Variants in SLC38A7 observed in about 807,000 individuals in gnomAD.
The protein encoded by SLC38A7 is solute carrier family 38 member 7, also known as sodium-coupled neutral amino acid transporter 7.
In SLC38A7, 29 loss-of-function variants were observed where a neutral mutation model predicts 50.1. The observed-to-expected ratio is 0.58, with a 90% CI of 0.43 to 0.79. The LOEUF (loss-of-function observed/expected upper bound fraction) is 0.79. Ranked by LOEUF, SLC38A7 falls within the 30% of genes least tolerant of loss-of-function variation. SLC38A7 has a pLI of 0.00. For synonymous variants in SLC38A7, 244 were observed against 245.9 expected (o/e 0.99, Z 0.07); for missense variants, 483 against 610.6 (o/e 0.79, Z 2.20).
chr16:58,671,782 T>TTATTAAAAA, intron 9 of SLC38A7: 1 of 233,952 alleles, frequency 4.3e-6, no homozygotes, highest in Non-Finnish European at 8.3e-6. Flanking sequence ...GTTGCCCAGG[T>TTATTAAAAA]GGTCTTGAAC....
intron 2 of SLC38A7, chr16:58,683,722 G>A (rs1187435260): frequency 6.6e-6 from 1 of 152,354 alleles, no homozygotes; most frequent in Non-Finnish European, 1.5e-5. Context: ...AAGGTCACAA[G>A]GCTTGGTGCG....
In SLC38A7 at chr16:58,671,204, G is replaced by A; in HGVS notation, c.1072C>T (p.Pro358Ser). 1 of 1,613,868 alleles carries A rather than the reference G, an allele frequency of 6.2e-7. No individual in the cohort carries two copies. Among genetic ancestry groups the A allele is most frequent in the Admixed American group, 1.7e-5 (1 of 60,002 alleles). Residue 358 changes from proline (P) to serine (S), a missense_variant, in exon 10 of 12, where the codon CCA becomes TCA. Pro to Ser is a moderately conservative substitution (Grantham distance 74). Transcript: ENST00000219320. ...TCCCGCCCCACGTCCTCCTCCACTG[G>A]CACCCCCTGGTAGCGCAGCCACAGG... ...EGLWLRYQGV[P>S]VEEDVGRERR...
chr16:58,678,772 A>T lies in SLC38A7; in HGVS notation c.393T>A (p.Cys131Ter). 1 of 1,614,206 alleles carries T rather than the reference A, an allele frequency of 6.2e-7. No homozygotes were observed. Among genetic ancestry groups the T allele is most frequent in the Non-Finnish European group, 8.5e-7 (1 of 1,180,032 alleles). ...AVCGKLTGVL[C>*]EVAIAVYTFG... ...AGGTGTAGACAGCGATGGCCACCTC[A>T]CATAGCACACCTGTCAGCTTGCCAC... The change falls in exon 4 of 12, where the codon TGT (cysteine) becomes TGA (stop). Residue 131 changes from cysteine (C) to a stop codon, truncating the protein, a stop_gained. Coordinates refer to ENST00000219320, the MANE Select transcript of SLC38A7 (RefSeq NM_018231.3). LOFTEE classifies it high-confidence loss of function. This position sits in a 1 kb window ranked among gnomAD's most constrained non-coding sequence, Gnocchi z 4.0.
At chr16:58,674,026 T>C (rs2044213753) in intron 8 of SLC38A7, among the ~76,000 whole-genome samples, 1 of 152,058 alleles carries the variant, frequency 6.6e-6, no homozygotes, top group South Asian at 2.1e-4. Context: ...GGTTTTGCCA[T>C]GTTGGCCAGG....
intron 9 of SLC38A7, 190 bp downstream of exon 9, chr16:58,671,906 G>A (rs1049207541): frequency 1.8e-6 from 1 of 549,470 alleles, no homozygotes; most frequent in Non-Finnish European, 3.0e-6. Flanking sequence ...GGAATGTTCT[G>A]GTGACCCCAG....
In SLC38A7 at chr16:58,665,801, T is replaced by A. The variant is rs1019933674; in HGVS notation, c.*1584A>T. On this transcript the variant is annotated 3_prime_UTR_variant, in exon 12 of 12. Transcript: ENST00000219320. ...TCTTCGCCCTCTCTGGGGTAACAAT[T>A]CCAGTGTGACATCAATGTGGCTGGC... 1 of 152,220 alleles carries A rather than the reference T, an allele frequency of 6.6e-6. No individual in the cohort carries two copies. Among genetic ancestry groups the A allele is most frequent in the African/African-American group, 2.4e-5 (1 of 41,408 alleles). The allele number at this position is 152,220 out of a possible 1,614,324, so 9.4% of individuals were successfully genotyped here.
intron 3 of SLC38A7, among the ~76,000 whole-genome samples, 197 bp from the exon 4 acceptor site, chr16:58,679,091 T>C (rs1407391543): frequency 6.6e-6 from 1 of 152,226 alleles, no homozygotes; most frequent in Non-Finnish European, 1.5e-5. Flanking sequence ...ATTGCCAACA[T>C]ACAAAAGTAA....
At position 58,678,501 on chromosome 16, in the gene SLC38A7, C is replaced by T. The variant is rs760606593; in HGVS notation, c.470-27G>A. On this transcript the variant is annotated intron_variant, in intron 4 of 11. Coordinates refer to ENST00000219320, the MANE Select transcript of SLC38A7 (RefSeq NM_018231.3). The surrounding 1 kb of genome is among the most constrained non-coding windows in gnomAD (Gnocchi z 4.0). The stretch of plus-strand genomic sequence containing the variant: ...TGCACAGGGAGGAAGGAGGGAATGT[C>T]AAGCCAGGCCACCATGGGGTGTGGC... The T allele has an allele frequency of 6.5e-7, 1 of 1,543,250 alleles. No individual in the cohort carries two copies. Among genetic ancestry groups the T allele is most frequent in the South Asian group, 1.3e-5 (1 of 79,522 alleles).
At position 58,680,206 on chromosome 16, in the gene SLC38A7, C is replaced by A; in HGVS notation, c.-80G>T. ...GCCTCAGGGAGCTGAGCAACACCCA[C>A]CTGTTTGGGGCTGTTAGCTTAGGAC... On this transcript the variant is annotated 5_prime_UTR_variant, in exon 3 of 12. Transcript: ENST00000219320. The A allele has an allele frequency of 6.9e-7, 1 of 1,448,518 alleles. No individual in the cohort carries two copies. Among genetic ancestry groups the A allele is most frequent in the Non-Finnish European group, 9.1e-7 (1 of 1,098,076 alleles). The allele number at this position is 1,448,518 out of a possible 1,614,324, so 89.7% of individuals were successfully genotyped here. A position where few individuals can be genotyped will look rare whatever the true frequency, so the allele number is the denominator to read the frequency against.
chr16:58,669,073 T>G (rs1463056766), intron 11 of SLC38A7, among the ~76,000 whole-genome samples: 2 of 140,368 alleles, frequency 1.4e-5, no homozygotes, highest in Non-Finnish European at 3.0e-5. Flanking sequence ...CCTGGCCAAT[T>G]TTTTTTCTTT....
In SLC38A7 at chr16:58,665,192, A is replaced by T. The variant is rs2044013080; in HGVS notation, c.*2193T>A. 6.6e-6 allele frequency: 1 copy of T among 152,336 alleles called. No homozygotes were observed. The highest frequency in any genetic ancestry group is 6.5e-5 in the Admixed American group (1 of 15,268). 9.4% of individuals were successfully genotyped at this position (152,336 alleles called of 1,614,324 possible). A position where few individuals can be genotyped will look rare whatever the true frequency, so the allele number is the denominator to read the frequency against. The stretch of plus-strand genomic sequence containing the variant: ...AAAAGAAACAGTGAAGTACCCCGAT[A>T]GGGAGGGTGGGGAGAGGATGGGAGG... On this transcript the variant is annotated 3_prime_UTR_variant, in exon 12 of 12. Transcript: ENST00000219320.
In SLC38A7 at chr16:58,671,211, C is replaced by G. The variant is rs1414170691; in HGVS notation, c.1065G>C (p.Gln355His). 3 of 1,613,946 alleles carry G rather than the reference C, an allele frequency of 1.9e-6. No individual in the cohort carries two copies. The highest frequency in any genetic ancestry group is 1.7e-6 in the Non-Finnish European group (2 of 1,179,904). The change falls in exon 10 of 12, where the codon CAG becomes CAC. Residue 355 changes from glutamine to histidine, a missense_variant. Coordinates refer to ENST00000219320, the MANE Select transcript of SLC38A7 (RefSeq NM_018231.3). ...AVVEGLWLRY[Q>H]GVPVEEDVGR... ...CCACGTCCTCCTCCACTGGCACCCC[C>G]TGGTAGCGCAGCCACAGGCCTTCCA...
At chr16:58,683,599 G>C (rs550518938) in intron 2 of SLC38A7, 2 of 152,404 alleles carry the variant, frequency 1.3e-5, no homozygotes, top group South Asian at 2.1e-4. Flanking sequence ...GGACTCCCAG[G>C]CTTCCAGTGT....
At chr16:58,677,231 A>G (rs2044286970) in intron 6 of SLC38A7, 95 bp downstream of exon 6, 2 of 1,006,188 alleles carry the variant, frequency 2.0e-6, no homozygotes, top group South Asian at 1.3e-5. Context: ...AGCCTTGAGA[A>G]GAGCACCTGT....
intron 2 of SLC38A7, among the ~76,000 whole-genome samples, chr16:58,683,010 T>C (rs1042305771): frequency 2.0e-5 from 3 of 150,034 alleles, no homozygotes; most frequent in African/African-American, 4.9e-5. Context: ...CCCATGTGAC[T>C]TCTCCCACGT....
rs141305870 is a variant in SLC38A7 at position 58,666,168 on chromosome 16, C to T, written c.*1217G>A. On this transcript the variant is annotated 3_prime_UTR_variant, in exon 12 of 12. Coordinates refer to ENST00000219320, the MANE Select transcript of SLC38A7 (RefSeq NM_018231.3). The stretch of plus-strand genomic sequence containing the variant: ...GCAGTCTCTGCCTCCTGGGTTTAAG[C>T]GGCTCTGCTGCCTCAGCCTCCCAAG... The T allele has an allele frequency of 7.7e-3, 1,181 of 152,472 alleles. 8 individuals carry two copies. The highest frequency in any genetic ancestry group is 8.8e-3 in the Non-Finnish European group (600 of 68,152). The allele number at this position is 152,472 out of a possible 1,614,324, so 9.4% of individuals were successfully genotyped here.
In SLC38A7 at chr16:58,682,058, G is replaced by A. The variant is rs544447427; in HGVS notation, c.-115-1817C>T. On this transcript the variant is annotated intron_variant, in intron 2 of 11. Coordinates refer to ENST00000219320, the MANE Select transcript of SLC38A7 (RefSeq NM_018231.3). Reference sequence around the variant, plus strand: ...TGTAATCCCAGCTGTGCAGGAGGCTGAGGCAGGAGAATCGCCCGAAATTAG... The same window carrying A: ...TGTAATCCCAGCTGTGCAGGAGGCTAAGGCAGGAGAATCGCCCGAAATTAG... Among the ~76,000 whole-genome samples the A allele has an allele frequency of 1.8e-4, 27 of 152,306 alleles. No homozygotes were observed. The South Asian group carries it at 5.6e-3, about 32-fold the overall frequency.
rs71155293 is a variant in SLC38A7, at chr16:58,669,103, C to CTT, written c.1286+1008_1286+1009dup. Reference sequence around the variant, plus strand: ...TTCTTTTTTAGACATGTTTGTATGGCTTTTTTTTTTTTTTTTTTTTTTTTT... The same window carrying CTT: ...TTCTTTTTTAGACATGTTTGTATGGCTTTTTTTTTTTTTTTTTTTTTTTTTTT... On this transcript the variant is annotated intron_variant, in intron 11 of 11. Coordinates refer to ENST00000219320, the MANE Select transcript of SLC38A7 (RefSeq NM_018231.3). 8.1e-4 allele frequency among the ~76,000 whole-genome samples: 44 copies of CTT among 54,594 alleles called. 1 individual carries two copies. Among genetic ancestry groups the CTT allele is most frequent in the South Asian group, 3.8e-3 (4 of 1,044 alleles). 35.8% of individuals were successfully genotyped at this position (54,594 alleles called of 152,430 possible).
intron 2 of SLC38A7, among the ~76,000 whole-genome samples, chr16:58,681,200 C>A (rs2044381207): frequency 6.6e-6 from 1 of 152,182 alleles, no homozygotes; most frequent in Non-Finnish European, 1.5e-5. Context: ...CACCATTTTA[C>A]CAAAGAGGAA....
Sources: gnomAD v4.1 joint callset for allele counts (sites outside exome capture counted in the v4.1 genomes callset) on GRCh38, gnomAD v4.1.1 for gene constraint, Gnocchi (gnomAD v3.1) non-coding constraint, MANE v1.5 for transcripts, NCBI Gene and HGNC (gene_info 2026-07-23, HGNC 2026-07-21) for gene names.